The following TRAPPC9 variants were observed in gnomAD, a reference collection of about 807,000 sequenced individuals.
The protein encoded by TRAPPC9 is IKK2 binding protein.
Under a neutral mutation model 124.0 loss-of-function variants are expected in TRAPPC9, and 83 were observed. The observed-to-expected ratio is 0.67, with a 90% CI of 0.56 to 0.80. The LOEUF (loss-of-function observed/expected upper bound fraction) is 0.80, where lower values mean the gene tolerates loss of function less well. Ranked by LOEUF, TRAPPC9 falls within the 30% of genes least tolerant of loss-of-function variation. The pLI is 0.00. For synonymous variants in TRAPPC9, 638 were observed against 617.5 expected, an observed-to-expected ratio of 1.03 and a Z score of -0.49; for missense variants, 1,302 against 1,508.3, an observed-to-expected ratio of 0.86 and a Z score of 2.27.
intron 21 of TRAPPC9, among the ~76,000 whole-genome samples, chr8:139,800,655 G>A (rs549268209): frequency 2.6e-5 from 4 of 152,284 alleles, no homozygotes; most frequent in South Asian, 2.1e-4. Flanking sequence ...ACATTCAGTC[G>A]CTGGCTTGAG....
In TRAPPC9 at chr8:140,451,257, G is replaced by T. The variant is rs779205270; in HGVS notation, c.117C>A (p.Cys39Ter). ...CCCGCACGCTGATCTGACTCACAGA[G>T]CAAATCCTCTTATAGATCCTGAAGA... Reference protein sequence around the residue: ...ENFFRIYKRICSVSQISVRDS... With the variant: ...ENFFRIYKRI Residue 39 changes from cysteine to a stop codon, truncating the protein, a stop_gained, in exon 2 of 23, where the codon TGC becomes TGA. Coordinates refer to ENST00000438773, the MANE Select transcript of TRAPPC9 (RefSeq NM_001160372.4). LOFTEE classifies it high-confidence loss of function. 4 of 1,613,460 alleles carry T rather than the reference G, an allele frequency of 2.5e-6. No individual in the cohort carries two copies. Among genetic ancestry groups the T allele is most frequent in the Non-Finnish European group, 3.4e-6 (4 of 1,180,034 alleles).
intron 2 of TRAPPC9, among the ~76,000 whole-genome samples, chr8:140,445,170 C>G (rs1449908145): frequency 6.6e-6 from 1 of 152,204 alleles, no homozygotes. Flanking sequence ...TGGTAAGAAA[C>G]AGCCCACCGG....
intron 17 of TRAPPC9, among the ~76,000 whole-genome samples, chr8:140,209,106 G>A (rs2062995532): frequency 6.6e-6 from 1 of 152,144 alleles, no homozygotes; most frequent in South Asian, 2.1e-4. Flanking sequence ...GGCCCTGAAG[G>A]GGCCCCGTGG....
At chr8:140,158,607 T>C (rs1033923217) in intron 17 of TRAPPC9, among the ~76,000 whole-genome samples, 6 of 152,240 alleles carry the variant, frequency 3.9e-5, no homozygotes, top group Non-Finnish European at 8.8e-5. Flanking sequence ...ACTACATATA[T>C]GTTTAATAAA....
At chr8:139,834,859 G>T (rs1826231374) in intron 21 of TRAPPC9, among the ~76,000 whole-genome samples, 2 of 152,226 alleles carry the variant, frequency 1.3e-5, no homozygotes, top group African/African-American at 4.8e-5. Flanking sequence ...ATTTGCCCCA[G>T]TAGCGGGGCT....
In TRAPPC9 at chr8:139,742,122, A is replaced by C. The variant is rs1818600043; in HGVS notation, c.3056-9920T>G. Among the ~76,000 whole-genome samples, 1 of 152,218 alleles carries C rather than the reference A, an allele frequency of 6.6e-6. No homozygotes were observed. Among genetic ancestry groups the C allele is most frequent in the Non-Finnish European group, 1.5e-5 (1 of 68,036 alleles). ...TGTTTTCCAAGGCGGCTGCACCCCCATTCCCAGCGGCGGTGCGGGAGAGGC... is the reference window on the plus strand; with the variant it reads ...TGTTTTCCAAGGCGGCTGCACCCCCCTTCCCAGCGGCGGTGCGGGAGAGGC... On this transcript the variant is annotated intron_variant, in intron 21 of 22. Transcript: ENST00000438773. This position sits in a 1 kb window ranked among gnomAD's most constrained non-coding sequence, Gnocchi z 4.7.
At chr8:139,831,239 G>A (rs187028046) in intron 21 of TRAPPC9, among the ~76,000 whole-genome samples, 2 of 152,274 alleles carry the variant, frequency 1.3e-5, no homozygotes, top group East Asian at 3.9e-4. Flanking sequence ...CACATTAGTT[G>A]GACTTGTGTG....
intron 19 of TRAPPC9, among the ~76,000 whole-genome samples, chr8:139,950,956 G>T (rs141171738): frequency 1.3e-5 from 2 of 152,154 alleles, no homozygotes; most frequent in African/African-American, 4.8e-5. Context: ...ACTATAAAAG[G>T]GTGAGGTGAG....
intron 21 of TRAPPC9, among the ~76,000 whole-genome samples, chr8:139,840,395 G>A (rs898806): frequency 0.19 from 28,656 of 152,190 alleles, 4,583 homozygotes; most frequent in African/African-American, 0.42. Context: ...TGGATTCGGG[G>A]AATGTGAGTT....
At position 139,776,266 on chromosome 8, in the gene TRAPPC9, G is replaced by A. The variant is rs545469049; in HGVS notation, c.3056-44064C>T. On this transcript the variant is annotated intron_variant, in intron 21 of 22. Transcript: ENST00000438773. This position sits in a 1 kb window ranked among gnomAD's most constrained non-coding sequence, Gnocchi z 4.1. ...CAGCCTCCCAGTCAGATGACTCAGC[G>A]CACAGATGAACTCAGCCACTCCAGG... 5.3e-5 allele frequency among the ~76,000 whole-genome samples: 8 copies of A among 152,274 alleles called. No individual in the cohort carries two copies. The South Asian group carries it at 1.0e-3, about 20-fold the overall frequency.
chr8:139,807,429 G>A (rs985249254), intron 21 of TRAPPC9, among the ~76,000 whole-genome samples: 5 of 152,118 alleles, frequency 3.3e-5, no homozygotes, highest in Non-Finnish European at 5.9e-5. Flanking sequence ...CTAAGAGTGG[G>A]GAGGAACATG....
At chr8:139,914,336 G>A (rs765719281) in intron 19 of TRAPPC9, among the ~76,000 whole-genome samples, 3 of 152,230 alleles carry the variant, frequency 2.0e-5, no homozygotes, top group Admixed American at 2.0e-4. Flanking sequence ...GGTGCTGGAA[G>A]GTAAGGAAGA....
intron 17 of TRAPPC9, among the ~76,000 whole-genome samples, chr8:140,035,280 C>G (rs139649699): frequency 9.2e-5 from 14 of 152,274 alleles, no homozygotes; most frequent in African/African-American, 9.6e-5. Context: ...TACTGCTGAT[C>G]TTCAATATTA....
At chr8:140,273,936 T>C (rs919199912) in intron 15 of TRAPPC9, among the ~76,000 whole-genome samples, 1 of 152,138 alleles carries the variant, frequency 6.6e-6, no homozygotes, top group Non-Finnish European at 1.5e-5. Flanking sequence ...TCTTCTGCCA[T>C]CTTTATGCAG....
At chr8:140,001,437 G>C (rs1838397782) in intron 18 of TRAPPC9, among the ~76,000 whole-genome samples, 2 of 151,858 alleles carry the variant, frequency 1.3e-5, no homozygotes, top group African/African-American at 4.8e-5. Flanking sequence ...AATGCTTAAA[G>C]GAAGCATAAG....
chr8:139,965,987 C>T (rs1207343951), intron 19 of TRAPPC9, among the ~76,000 whole-genome samples: 1 of 152,232 alleles, frequency 6.6e-6, no homozygotes, highest in Non-Finnish European at 1.5e-5. Flanking sequence ...GGAGGCTTTG[C>T]AAGGGGAAAA....
At chr8:140,280,351 C>T (rs2065270517) in intron 14 of TRAPPC9, among the ~76,000 whole-genome samples, 1 of 152,214 alleles carries the variant, frequency 6.6e-6, no homozygotes. Flanking sequence ...ATAAAATCCA[C>T]CTAGCTTAAG....
At chr8:140,036,951 C>A (rs1840935475) in intron 17 of TRAPPC9, among the ~76,000 whole-genome samples, 1 of 152,028 alleles carries the variant, frequency 6.6e-6, no homozygotes, top group Admixed American at 6.5e-5. Context: ...CACCCATTAA[C>A]CTGTCACCTA....
intron 9 of TRAPPC9, among the ~76,000 whole-genome samples, chr8:140,341,766 G>T (rs904394230): frequency 3.9e-5 from 6 of 152,178 alleles, no homozygotes; most frequent in African/African-American, 1.2e-4. Context: ...CACGGAGCAC[G>T]GGAAGGGGGG....
Sources: gnomAD v4.1 joint callset for allele counts (sites outside exome capture counted in the v4.1 genomes callset) on GRCh38, gnomAD v4.1.1 for gene constraint, Gnocchi (gnomAD v3.1) non-coding constraint, MANE v1.5 for transcripts, NCBI Gene and HGNC (gene_info 2026-07-23, HGNC 2026-07-21) for gene names.